Variants in PTK2 observed in about 807,000 individuals in gnomAD.
The protein encoded by PTK2 is focal adhesion kinase 1.
A neutral mutation model predicts 150.1 loss-of-function variants in PTK2; 45 were observed. The observed-to-expected ratio is 0.30, with a 90% CI of 0.24 to 0.38. The LOEUF is 0.38. Ranked by LOEUF, PTK2 falls within the 10% of genes least tolerant of loss-of-function variation. The pLI is 1.00. For missense variants in PTK2, 919 were observed against 1,307.3 expected (o/e 0.70, Z 4.58); for synonymous variants, 432 against 449.2 (o/e 0.96, Z 0.48).
At chr8:140,819,915 T>C (rs1283784041) in intron 8 of PTK2, among the ~76,000 whole-genome samples, 1 of 151,858 alleles carries the variant, frequency 6.6e-6, no homozygotes, top group African/African-American at 2.4e-5. Flanking sequence ...GTCCTTGGTG[T>C]GTGAAGCAGT....
chr8:140,886,575 T>C, intron 3 of PTK2, among the ~76,000 whole-genome samples: 1 of 152,224 alleles, frequency 6.6e-6, no homozygotes, highest in South Asian at 2.1e-4. Flanking sequence ...CCACTGTCTC[T>C]TGCATCCTGC....
intron 1 of PTK2, among the ~76,000 whole-genome samples, chr8:140,973,874 T>C (rs1158017877): frequency 3.3e-5 from 5 of 152,228 alleles, no homozygotes. Context: ...TTTTGACTTC[T>C]ATGCCACTGC....
At chr8:140,998,681 T>C (rs2100198734) in intron 1 of PTK2, among the ~76,000 whole-genome samples, 1 of 151,652 alleles carries the variant, frequency 6.6e-6, no homozygotes, top group Non-Finnish European at 1.5e-5. Flanking sequence ...TAGCCGGGCG[T>C]GGTGGCGGGC....
intron 1 of PTK2, among the ~76,000 whole-genome samples, chr8:140,969,756 C>T (rs2100186591): frequency 6.6e-6 from 1 of 152,232 alleles, no homozygotes; most frequent in Non-Finnish European, 1.5e-5. Flanking sequence ...AACTGTAGCT[C>T]AGATTTCTTC....
chr8:140,951,332 C>T (rs1037408976), intron 1 of PTK2, among the ~76,000 whole-genome samples: 3 of 152,218 alleles, frequency 2.0e-5, no homozygotes, highest in Non-Finnish European at 2.9e-5. Flanking sequence ...CAGATCCATA[C>T]TGCAGGAGCT....
chr8:140,968,614 A>G (rs1167394607), intron 1 of PTK2, among the ~76,000 whole-genome samples: 3 of 152,224 alleles, frequency 2.0e-5, no homozygotes, highest in African/African-American at 7.2e-5. Flanking sequence ...TCTATTCTGC[A>G]TTGTAAAAAA....
chr8:140,871,183 C>A (rs146706166), intron 4 of PTK2, among the ~76,000 whole-genome samples: 1 of 152,280 alleles, frequency 6.6e-6, no homozygotes, highest in African/African-American at 2.4e-5. Context: ...GGAGTGGATG[C>A]ACTGCTCATA....
chr8:140,823,452 GA>G (rs1312271061), intron 8 of PTK2, among the ~76,000 whole-genome samples: 8 of 132,326 alleles, frequency 6.0e-5, no homozygotes. Context: ...AGAAGTCGAG[GA>G]AACAGAATCT....
At chr8:140,920,782 T>A in intron 2 of PTK2, 1 of 1,442,262 alleles carries the variant, frequency 6.9e-7, no homozygotes. Context: ...TGAATTCAAA[T>A]AAAACGGAAC....
At chr8:140,889,642 G>GAAAGA (rs959023174) in intron 3 of PTK2, among the ~76,000 whole-genome samples, 12 of 149,838 alleles carry the variant, frequency 8.0e-5, no homozygotes, top group African/African-American at 1.2e-4. Context: ...AAAAAAAAAA[G>GAAAGA]AAAGAAAAGA....
At chr8:140,685,260 C>T (rs532233175) in intron 27 of PTK2, among the ~76,000 whole-genome samples, 8 of 152,210 alleles carry the variant, frequency 5.3e-5, no homozygotes, top group East Asian at 1.9e-4. Context: ...GGATTAAAGA[C>T]GTAAATGTAA....
At chr8:140,992,162 T>TGCGCCTGTAATCATA (rs544858614) in intron 1 of PTK2, among the ~76,000 whole-genome samples, 127 of 151,794 alleles carry the variant, frequency 8.4e-4, no homozygotes, top group African/African-American at 2.9e-3. Context: ...TGTGGTGGTG[T>TGCGCCTGTAATCATA]GCGCCTGTAA....
chr8:140,702,862 A>G (rs2100031532), intron 24 of PTK2, 155 bp from the exon 28 acceptor site: 2 of 902,504 alleles, frequency 2.2e-6, no homozygotes, highest in Non-Finnish European at 3.2e-6. Context: ...GAACATGTGA[A>G]TATGTTTCCT....
chr8:140,735,539 C>T (rs1260879564), intron 21 of PTK2, 84 bp from the exon 25 acceptor site: 1 of 1,367,930 alleles, frequency 7.3e-7, no homozygotes, highest in Non-Finnish European at 1.0e-6. Context: ...TTCTTCTAGG[C>T]ACTCGAGTAC....
chr8:140,749,065 A>C (rs2100061205), intron 17 of PTK2, among the ~76,000 whole-genome samples: 1 of 152,240 alleles, frequency 6.6e-6, no homozygotes, highest in Non-Finnish European at 1.5e-5. Flanking sequence ...TGAAATGGGC[A>C]AAACAATATT....
intron 1 of PTK2, among the ~76,000 whole-genome samples, chr8:140,933,340 A>T (rs887634234): frequency 6.6e-6 from 1 of 152,228 alleles, no homozygotes; most frequent in Non-Finnish European, 1.5e-5. Flanking sequence ...GGGGCTAAAA[A>T]ACTTCAAAAC....
At chr8:140,938,955 C>A (rs1016084364) in intron 1 of PTK2, among the ~76,000 whole-genome samples, 7 of 151,114 alleles carry the variant, frequency 4.6e-5, no homozygotes, top group Admixed American at 1.3e-4. Flanking sequence ...CCAGACTGGG[C>A]AATACAGTAA....
chr8:140,915,281 G>A (rs1379284934), intron 2 of PTK2, among the ~76,000 whole-genome samples: 1 of 152,000 alleles, frequency 6.6e-6, no homozygotes, highest in African/African-American at 2.4e-5. Flanking sequence ...TTGTTTGATC[G>A]GGCTGGGTGT....
chr8:140,961,873 C>CT (rs1471423884), intron 1 of PTK2, among the ~76,000 whole-genome samples: 11 of 152,196 alleles, frequency 7.2e-5, no homozygotes, highest in Non-Finnish European at 1.5e-4. Flanking sequence ...AGGTTTATCC[C>CT]TTCAACCATA....
Sources: gnomAD v4.1 joint callset for allele counts (sites outside exome capture counted in the v4.1 genomes callset) on GRCh38, gnomAD v4.1.1 for gene constraint, MANE v1.5 for transcripts, NCBI Gene and HGNC (gene_info 2026-07-23, HGNC 2026-07-21) for gene names.